HDAC9: variants seen among roughly 807,000 people sequenced by gnomAD.
HDAC9 encodes histone deacetylase 9, also known as MEF-2 interacting transcription repressor (MITR) protein.
A neutral mutation model predicts 139.4 loss-of-function variants in HDAC9; 41 were observed. The observed-to-expected ratio is 0.29, with a 90% CI of 0.23 to 0.38. The LOEUF is 0.38. HDAC9 is among the 10% of genes least tolerant of loss of function. The pLI is 1.00. For synonymous variants in HDAC9, 517 were observed against 476.2 expected, an observed-to-expected ratio of 1.09 and a Z score of -1.12; for missense variants, 1,147 against 1,297.0, an observed-to-expected ratio of 0.88 and a Z score of 1.78.
At chr7:18,829,075 G>A (rs1795670091) in intron 17 of HDAC9, 86 bp from the exon 18 acceptor site, 3 of 897,608 alleles carry the variant, frequency 3.3e-6, no homozygotes, top group Non-Finnish European at 1.9e-6. Context: ...TGTGCCTGAG[G>A]CACTGTTGTG....
chr7:18,275,856 TG>T (rs1796685751), intron 2 of HDAC9, among the ~76,000 whole-genome samples: 1 of 152,240 alleles, frequency 6.6e-6, no homozygotes, highest in Non-Finnish European at 1.5e-5. Flanking sequence ...CTAACATACC[TG>T]TCATTTACCT....
chr7:18,966,132 G>C lies in HDAC9; in HGVS notation c.3023-9674G>C, dbSNP rs570656206. ...TTTCCTCTGGTTGTATGAGAAATGC[G>C]TGGAAAGTAAATATAATTTTTACTT... On this transcript the variant is annotated intron_variant, in intron 24 of 25. Coordinates refer to ENST00000686413, the MANE Select transcript of HDAC9 (RefSeq NM_178425.4). Among the ~76,000 whole-genome samples, 5 of 152,182 alleles carry C rather than the reference G, an allele frequency of 3.3e-5. 1 individual carries two copies. In the South Asian group the frequency reaches 1.0e-3, roughly 31 times the overall value.
intron 1 of HDAC9, among the ~76,000 whole-genome samples, chr7:18,417,502 G>A (rs765150513): frequency 3.3e-5 from 5 of 152,086 alleles, no homozygotes; most frequent in Non-Finnish European, 7.4e-5. Context: ...CTTCTTGGGT[G>A]CTAGATATTT....
intron 23 of HDAC9, among the ~76,000 whole-genome samples, chr7:18,937,675 A>T (rs1275461770): frequency 1.3e-5 from 2 of 152,212 alleles, no homozygotes; most frequent in Non-Finnish European, 2.9e-5. Flanking sequence ...TTACAGAAGC[A>T]TAATAATATT....
At chr7:18,418,912 A>C (rs937383105) in intron 1 of HDAC9, among the ~76,000 whole-genome samples, 1 of 152,144 alleles carries the variant, frequency 6.6e-6, no homozygotes, top group Non-Finnish European at 1.5e-5. Flanking sequence ...TTTTATTCAA[A>C]GATTGATTAC....
intron 1 of HDAC9, among the ~76,000 whole-genome samples, chr7:18,313,978 T>C (rs1799477965): frequency 6.6e-6 from 1 of 152,204 alleles, no homozygotes; most frequent in African/African-American, 2.4e-5. Context: ...TGGTTATACA[T>C]AAAATTAAAG....
intron 8 of HDAC9, among the ~76,000 whole-genome samples, chr7:18,642,988 A>G (rs1584505738): frequency 1.3e-5 from 2 of 152,168 alleles, no homozygotes; most frequent in African/African-American, 4.8e-5. Flanking sequence ...TAAAATGCTT[A>G]TTTTTCCACA....
chr7:18,590,035 A>C (rs970762072), intron 3 of HDAC9, among the ~76,000 whole-genome samples: 1 of 152,196 alleles, frequency 6.6e-6, no homozygotes, highest in Non-Finnish European at 1.5e-5. Flanking sequence ...TTCAAAGAAA[A>C]GTCATTAAGG....
At chr7:18,290,293 C>T (rs551981166), upstream of HDAC9, 22 of 353,332 alleles carry the variant, frequency 6.2e-5, no homozygotes, top group Non-Finnish European at 8.4e-5. Flanking sequence ...TTTATAAAGT[C>T]GTTCAGTAGC....
At chr7:18,310,981 G>T (rs1477174519) in intron 1 of HDAC9, among the ~76,000 whole-genome samples, 1 of 151,830 alleles carries the variant, frequency 6.6e-6, no homozygotes, top group East Asian at 1.9e-4. Flanking sequence ...TATTTATATA[G>T]ATTTTTAATA....
intron 12 of HDAC9, among the ~76,000 whole-genome samples, chr7:18,697,245 C>G (rs1783121504): frequency 6.6e-6 from 1 of 152,070 alleles, no homozygotes; most frequent in African/African-American, 2.4e-5. Context: ...CGAGGCCCAG[C>G]CTATGGGAGA....
intron 17 of HDAC9, among the ~76,000 whole-genome samples, chr7:18,802,620 TATC>T (rs1161810595): frequency 1.5e-5 from 2 of 134,986 alleles, no homozygotes; most frequent in African/African-American, 3.2e-5. Flanking sequence ...AGTTTCCACA[TATC>T]ATGATAGATT....
chr7:18,840,833 C>T (rs1270218610), intron 21 of HDAC9, among the ~76,000 whole-genome samples: 1 of 152,088 alleles, frequency 6.6e-6, no homozygotes, highest in Non-Finnish European at 1.5e-5. Flanking sequence ...TCTTAGTTCA[C>T]AGTCAAAGTG....
At chr7:18,169,867 C>T (rs1788289693) in intron 2 of HDAC9, among the ~76,000 whole-genome samples, 1 of 152,128 alleles carries the variant, frequency 6.6e-6, no homozygotes, top group Non-Finnish European at 1.5e-5. Flanking sequence ...CATTGATGGA[C>T]ATTTAGATTG....
chr7:18,929,839 T>C lies in HDAC9; in HGVS notation c.2804-5970T>C, dbSNP rs1804572867. 2.6e-5 allele frequency among the ~76,000 whole-genome samples: 4 copies of C among 151,952 alleles called. No individual in the cohort carries two copies. In the South Asian group the frequency reaches 8.3e-4, roughly 32 times the overall value. On this transcript the variant is annotated intron_variant, in intron 22 of 25. Transcript: ENST00000686413. ...CCTGTAGTCCAGCTACTCGGGAGGC[T>C]GAGGCAGGAGAATTGCTTGAACCCG...
At chr7:18,670,481 A>G (rs548912696) in intron 12 of HDAC9, among the ~76,000 whole-genome samples, 2 of 152,246 alleles carry the variant, frequency 1.3e-5, no homozygotes, top group South Asian at 4.1e-4. Context: ...ATTTAGAAAA[A>G]GATGTTTACT....
intron 2 of HDAC9, among the ~76,000 whole-genome samples, chr7:18,178,571 G>A (rs1479103288): frequency 2.6e-5 from 4 of 152,134 alleles, no homozygotes; most frequent in Admixed American, 2.6e-4. Context: ...TTAGTAACTT[G>A]AACTTCTCCC....
At chr7:18,807,232 T>C (rs1793783070) in intron 17 of HDAC9, among the ~76,000 whole-genome samples, 1 of 152,212 alleles carries the variant, frequency 6.6e-6, no homozygotes, top group Non-Finnish European at 1.5e-5. Context: ...ATCCAATTTG[T>C]TGGCATATAG....
intron 12 of HDAC9, among the ~76,000 whole-genome samples, chr7:18,678,593 G>T (rs1424086242): frequency 2.0e-5 from 3 of 151,744 alleles, no homozygotes; most frequent in Non-Finnish European, 1.5e-5. Context: ...ATCACATCCA[G>T]TAAATTTTTA....
Sources: gnomAD v4.1 joint callset for allele counts (sites outside exome capture counted in the v4.1 genomes callset) on GRCh38, gnomAD v4.1.1 for gene constraint, MANE v1.5 for transcripts, NCBI Gene and HGNC (gene_info 2026-07-23, HGNC 2026-07-21) for gene names.